SKIL: variants seen among roughly 807,000 people sequenced by gnomAD.
The protein encoded by SKIL is ski-like protein.
A neutral mutation model predicts 69.6 loss-of-function variants in SKIL; 20 were observed. That is an observed-to-expected ratio of 0.29 (90% confidence interval 0.20 to 0.42). The LOEUF (loss-of-function observed/expected upper bound fraction) is 0.42, where lower values mean the gene tolerates loss of function less well. Ranked by LOEUF, SKIL falls within the 10% of genes least tolerant of loss-of-function variation. The pLI is 1.00. For synonymous variants in SKIL, 310 were observed against 279.9 expected, an observed-to-expected ratio of 1.11 and a Z score of -1.08; for missense variants, 745 against 783.1, an observed-to-expected ratio of 0.95 and a Z score of 0.58.
At position 170,360,943 on chromosome 3, in the gene SKIL, C is replaced by T. The variant is rs546412956; in HGVS notation, c.612C>T (p.Ile204=). 5.0e-6 allele frequency: 8 copies of T among 1,614,196 alleles called. No homozygotes were observed. In the South Asian group the frequency reaches 5.5e-5, roughly 11 times the overall value. The change falls in exon 2 of 7, where the codon ATC becomes ATT. Residue 204 remains isoleucine (I), a synonymous_variant. Transcript: ENST00000259119. ...CSRCTSDQLH[I]LKVLGILPFN... Reference sequence around the variant, plus strand: ...GGTGTACTTCAGACCAGCTTCATATCTTAAAGGTACTGGGCATACTTCCAT... The same window carrying T: ...GGTGTACTTCAGACCAGCTTCATATTTTAAAGGTACTGGGCATACTTCCAT...
chr3:170,370,688 A>C (rs1260529519), intron 2 of SKIL, among the ~76,000 whole-genome samples: 1 of 152,158 alleles, frequency 6.6e-6, no homozygotes, highest in Non-Finnish European at 1.5e-5. Context: ...TTAAAAGTAC[A>C]TATTTTGCAT....
chr3:170,373,123 G>A (rs907937155), intron 2 of SKIL, among the ~76,000 whole-genome samples: 1 of 150,640 alleles, frequency 6.6e-6, no homozygotes, highest in Non-Finnish European at 1.5e-5. Flanking sequence ...CAGCCCCCTC[G>A]GTAGCTGGGA....
chr3:170,371,325 A>AC (rs1198051203), intron 2 of SKIL, among the ~76,000 whole-genome samples: 1 of 151,968 alleles, frequency 6.6e-6, no homozygotes, highest in African/African-American at 2.4e-5. Context: ...ACATGGTGAA[A>AC]CCCCATCTCT....
chr3:170,361,003 T>G lies in SKIL; in HGVS notation c.672T>G (p.Thr224=), dbSNP rs752607605. 2 of 1,614,254 alleles carry G rather than the reference T, an allele frequency of 1.2e-6. No individual in the cohort carries two copies. Among genetic ancestry groups the G allele is most frequent in the Non-Finnish European group, 1.7e-6 (2 of 1,180,038 alleles). Residue 224 remains threonine, a synonymous_variant, in exon 2 of 7, where the codon ACT becomes ACG. Coordinates refer to ENST00000259119, the MANE Select transcript of SKIL (RefSeq NM_005414.5). ...NAPSCGLITL[T]DAQRLCNALL... is the part of the protein sequence containing the mutation. ...CATCCTGTGGGCTGATTACATTAAC[T>G]GATGCACAAAGATTATGTAATGCTT...
intron 2 of SKIL, among the ~76,000 whole-genome samples, chr3:170,371,275 CAG>C (rs889319240): frequency 6.3e-4 from 96 of 152,146 alleles, no homozygotes; most frequent in African/African-American, 2.1e-3. Context: ...CCAAGGCAGA[CAG>C]ATGATTTGAG....
At chr3:170,385,893 C>T (rs1457948426) in intron 4 of SKIL, among the ~76,000 whole-genome samples, 6 of 151,722 alleles carry the variant, frequency 4.0e-5, no homozygotes, top group Non-Finnish European at 1.5e-5. Flanking sequence ...CCTCCACCTC[C>T]CAGATTCTCC....
At chr3:170,388,230 G>A (rs1251690145) in intron 4 of SKIL, among the ~76,000 whole-genome samples, 1 of 151,980 alleles carries the variant, frequency 6.6e-6, no homozygotes, top group Non-Finnish European at 1.5e-5. Context: ...GGTATTTCAT[G>A]GTTTTAATTT....
chr3:170,394,329 C>A lies in SKIL; in HGVS notation c.*1912C>A, dbSNP rs1390984230. Reference sequence around the variant, plus strand: ...CAAATATTTAAAATGACATATTCTCCCAATACAATCTATTTAGATCTGGAG... The same window carrying A: ...CAAATATTTAAAATGACATATTCTCACAATACAATCTATTTAGATCTGGAG... On this transcript the variant is annotated 3_prime_UTR_variant, in exon 7 of 7. Transcript: ENST00000259119. 1 of 151,684 alleles carries A rather than the reference C, an allele frequency of 6.6e-6. No individual in the cohort carries two copies. Among genetic ancestry groups the A allele is most frequent in the African/African-American group, 2.4e-5 (1 of 41,284 alleles). The allele number at this position is 151,684 out of a possible 1,614,324, so 9.4% of individuals were successfully genotyped here.
At chr3:170,391,474 T>C (rs974904101) in intron 6 of SKIL, among the ~76,000 whole-genome samples, 1 of 151,934 alleles carries the variant, frequency 6.6e-6, no homozygotes, top group African/African-American at 2.4e-5. Context: ...CGTGCGACAC[T>C]ATGCCCAGCT....
At chr3:170,384,906 C>G (rs954055279) in intron 4 of SKIL, 141 bp downstream of exon 4, 3 of 560,158 alleles carry the variant, frequency 5.4e-6, no homozygotes, top group Non-Finnish European at 9.4e-6. Flanking sequence ...CTTCAAAACT[C>G]TGGGTGATTT....
chr3:170,394,045 CTAATT>C lies in SKIL; in HGVS notation c.*1634_*1638del, dbSNP rs1195367795. On this transcript the variant is annotated 3_prime_UTR_variant, in exon 7 of 7. Coordinates refer to ENST00000259119, the MANE Select transcript of SKIL (RefSeq NM_005414.5). ...CCATTTAAATTTTGCTATATTAAGA[CTAATT>C]TAATTCGTTGAGTCTTGGAATCTTC... 1 of 149,362 alleles carries C rather than the reference CTAATT, an allele frequency of 6.7e-6. No homozygotes were observed. Among genetic ancestry groups the C allele is most frequent in the African/African-American group, 2.5e-5 (1 of 40,276 alleles). 9.3% of individuals were successfully genotyped at this position (149,362 alleles called of 1,614,324 possible).
rs1224677574 is a variant in SKIL, at chr3:170,361,446, A to G, written c.1098+17A>G. The stretch of plus-strand genomic sequence containing the variant: ...CAATCCAAGGCAAGTTTTTTATATC[A>G]ATTTTTAATAATGGTAATGGTTTAC... On this transcript the variant is annotated intron_variant, in intron 2 of 6. Coordinates refer to ENST00000259119, the MANE Select transcript of SKIL (RefSeq NM_005414.5). 1 of 1,504,780 alleles carries G rather than the reference A, an allele frequency of 6.6e-7. No homozygotes were observed. Among genetic ancestry groups the G allele is most frequent in the African/African-American group, 1.4e-5 (1 of 71,354 alleles). 93.2% of individuals were successfully genotyped at this position (1,504,780 alleles called of 1,614,324 possible).
In SKIL at chr3:170,390,329, T is replaced by G. The variant is rs531274398; in HGVS notation, c.1536T>G (p.Ala512=). ...NKVGIGLVAA[A]SSPLLVKDVI... ...TGGGAATTGGCCTTGTTGCTGCCGC[T>G]TCATCTCCGCTTCTTGTGAAAGATG... The change falls in exon 5 of 7, where the codon GCT becomes GCG. Residue 512 remains alanine, a synonymous_variant. Coordinates refer to ENST00000259119, the MANE Select transcript of SKIL (RefSeq NM_005414.5). The G allele has an allele frequency of 1.0e-4, 168 of 1,614,156 alleles. 3 individuals are homozygous for G. The South Asian group carries it at 1.7e-3, about 16-fold the overall frequency.
Position 170,361,145 on chromosome 3 carries a change from T to C in SKIL, c.814T>C (p.Cys272Arg). 6.2e-7 allele frequency: 1 copy of C among 1,614,182 alleles called. No individual in the cohort carries two copies. Among genetic ancestry groups the C allele is most frequent in the Non-Finnish European group, 8.5e-7 (1 of 1,180,024 alleles). ...AGTGGAGCATGAATGCCTAGGCAAA[T>C]GTCAGGGTTTATTTGCACCCCAGTT... ...FEVEHECLGK[C>R]QGLFAPQFYV... Residue 272 changes from cysteine (C) to arginine (R), a missense_variant, in exon 2 of 7, where the codon TGT (cysteine) becomes CGT (arginine). Transcript: ENST00000259119.
chr3:170,369,568 AT>A (rs1009940124), intron 2 of SKIL, among the ~76,000 whole-genome samples: 49 of 152,132 alleles, frequency 3.2e-4, no homozygotes, highest in African/African-American at 1.1e-3. Context: ...TAGCTGGCTA[AT>A]TTTTGTATTT....
Position 170,361,281 on chromosome 3 carries a change from A to G in SKIL, c.950A>G (p.His317Arg), listed in dbSNP as rs1194563577. Residue 317 changes from histidine (H) to arginine (R), a missense_variant, in exon 2 of 7, where the codon CAC becomes CGC. Coordinates refer to ENST00000259119, the MANE Select transcript of SKIL (RefSeq NM_005414.5). ...AGATCACCTGACAAAAGAACTTGCC[A>G]CTGGGGCTTTGAATCAGCTAAATGG... ...SHRSPDKRTC[H>R]WGFESAKWHC... The G allele has an allele frequency of 1.2e-6, 2 of 1,614,080 alleles. No individual in the cohort carries two copies. Among genetic ancestry groups the G allele is most frequent in the African/African-American group, 1.3e-5 (1 of 74,932 alleles).
intron 2 of SKIL, among the ~76,000 whole-genome samples, chr3:170,374,329 T>C (rs1736929411): frequency 6.6e-6 from 1 of 152,226 alleles, no homozygotes; most frequent in Non-Finnish European, 1.5e-5. Flanking sequence ...GAAATGAGGA[T>C]GCTATCTGTT....
Position 170,381,322 on chromosome 3 carries a change from C to T in SKIL, c.1177C>T (p.His393Tyr), listed in dbSNP as rs1294941463. The T allele has an allele frequency of 1.9e-6, 3 of 1,574,480 alleles. No individual in the cohort carries two copies. Among genetic ancestry groups the T allele is most frequent in the Non-Finnish European group, 1.7e-6 (2 of 1,143,926 alleles). ...KQEGDHVSQT[H>Y]SFLHPSYYLY... Reference sequence around the variant, plus strand: ...GGAAGGTGACCATGTTTCTCAGACACATTCATTTTTACACCCCAGGTGAGT... The same window carrying T: ...GGAAGGTGACCATGTTTCTCAGACATATTCATTTTTACACCCCAGGTGAGT... The change falls in exon 3 of 7, where the codon CAT (histidine) becomes TAT (tyrosine). Residue 393 changes from histidine (H) to tyrosine (Y), a missense_variant. Coordinates refer to ENST00000259119, the MANE Select transcript of SKIL (RefSeq NM_005414.5).
intron 2 of SKIL, among the ~76,000 whole-genome samples, chr3:170,367,347 T>C (rs1169148773): frequency 6.6e-6 from 1 of 152,140 alleles, no homozygotes; most frequent in African/African-American, 2.4e-5. Flanking sequence ...CCTGACGTCG[T>C]CATCCTCCCA....
Sources: allele counts gnomAD v4.1 joint callset (sites outside exome capture counted in the v4.1 genomes callset), GRCh38; gene constraint gnomAD v4.1.1; transcripts MANE v1.5; gene names NCBI Gene and HGNC (gene_info 2026-07-23, HGNC 2026-07-21).